Variants in ERC1 observed in about 807,000 individuals in gnomAD.
The protein encoded by ERC1 is ELKS/RAB6-interacting/CAST family member 1.
Under a neutral mutation model 132.0 loss-of-function variants are expected in ERC1, and 56 were observed. The ratio of observed to expected loss-of-function variants is 0.42; its 90% CI spans 0.34 to 0.53. The LOEUF (loss-of-function observed/expected upper bound fraction) is 0.53, where lower values mean the gene tolerates loss of function less well. ERC1 is among the 20% of genes least tolerant of loss of function. The pLI is 0.03. For missense variants in ERC1, 1,202 were observed against 1,349.9 expected, an observed-to-expected ratio of 0.89 and a Z score of 1.72; for synonymous variants, 478 against 476.1, an observed-to-expected ratio of 1.00 and a Z score of -0.05.
chr12:1,440,331 A>T (rs1204274282), intron 17 of ERC1, among the ~76,000 whole-genome samples: 15 of 146,378 alleles, frequency 1.0e-4, no homozygotes, highest in Admixed American at 6.8e-4. Flanking sequence ...CAGCCTCCCG[A>T]GTAGCTGGGA....
At chr12:1,369,500 T>TA (rs2086976179) in intron 15 of ERC1, among the ~76,000 whole-genome samples, 3 of 152,238 alleles carry the variant, frequency 2.0e-5, no homozygotes, top group African/African-American at 7.2e-5. Context: ...TGCCTGCTAC[T>TA]AAATATGTGA....
intron 16 of ERC1, among the ~76,000 whole-genome samples, chr12:1,393,754 A>G (rs1006835363): frequency 1.3e-5 from 2 of 151,948 alleles, no homozygotes; most frequent in Middle Eastern, 3.4e-3. Flanking sequence ...ATTGCCAGGC[A>G]TGGTGGCTCA....
chr12:1,402,981 G>A (rs919967750), intron 16 of ERC1, among the ~76,000 whole-genome samples: 12 of 152,086 alleles, frequency 7.9e-5, no homozygotes, highest in Admixed American at 2.0e-4. Context: ...TAATAGCTGC[G>A]TTTGGATAAC....
At chr12:1,147,634 A>G (rs1320945371) in intron 8 of ERC1, among the ~76,000 whole-genome samples, 4 of 152,202 alleles carry the variant, frequency 2.6e-5, no homozygotes, top group Non-Finnish European at 4.4e-5. Flanking sequence ...AAGCCTTTTG[A>G]TTCCATTTCC....
chr12:1,184,718 A>G (rs908846931), intron 11 of ERC1, among the ~76,000 whole-genome samples: 1 of 152,226 alleles, frequency 6.6e-6, no homozygotes, highest in Non-Finnish European at 1.5e-5. Flanking sequence ...GAAAGGATTG[A>G]AACTCAACTT....
At chr12:1,393,800 G>A (rs191920068) in intron 16 of ERC1, among the ~76,000 whole-genome samples, 1 of 151,578 alleles carries the variant, frequency 6.6e-6, no homozygotes, top group East Asian at 1.9e-4. Flanking sequence ...GGCCGGGGCG[G>A]GCAGATCACG....
chr12:1,154,330 T>TATATATATAC (rs373366048), intron 8 of ERC1, among the ~76,000 whole-genome samples: 58 of 137,568 alleles, frequency 4.2e-4, no homozygotes, highest in African/African-American at 1.4e-3. Context: ...TATATATATA[T>TATATATATAC]ACACACATAC....
intron 16 of ERC1, among the ~76,000 whole-genome samples, chr12:1,404,139 G>A (rs181285537): frequency 5.5e-4 from 84 of 152,278 alleles, no homozygotes; most frequent in African/African-American, 1.9e-3. Flanking sequence ...TTGGAGACCA[G>A]AAGTGCAAGA....
At chr12:1,242,191 G>A (rs1335259502) in intron 13 of ERC1, among the ~76,000 whole-genome samples, 2 of 151,906 alleles carry the variant, frequency 1.3e-5, no homozygotes, top group Admixed American at 6.6e-5. Flanking sequence ...CATCTTCAAC[G>A]TCATTAACTT....
At chr12:1,393,660 G>A (rs2090184513) in intron 16 of ERC1, among the ~76,000 whole-genome samples, 1 of 143,112 alleles carries the variant, frequency 7.0e-6, no homozygotes, top group African/African-American at 2.6e-5. Flanking sequence ...AAAGTGCTTG[G>A]ATTCTTGAAG....
intron 2 of ERC1, among the ~76,000 whole-genome samples, chr12:1,050,937 G>A (rs1253771431): frequency 6.6e-6 from 1 of 151,930 alleles, no homozygotes; most frequent in African/African-American, 2.4e-5. Context: ...CCCGGGAGGC[G>A]GAAGTTGCAG....
At chr12:1,242,266 G>C (rs1389018495) in intron 13 of ERC1, among the ~76,000 whole-genome samples, 2 of 152,002 alleles carry the variant, frequency 1.3e-5, no homozygotes, top group South Asian at 2.1e-4. Context: ...AACATCATTT[G>C]AGTGTCTTTA....
In ERC1 at chr12:1,342,956, A is replaced by G. The variant is rs562055418; in HGVS notation, c.2781-28877A>G. On this transcript the variant is annotated intron_variant, in intron 15 of 18. Transcript: ENST00000360905. ...ACAGTAACACTCTCAAAATTTATTAAACACACTTAATGAAATAAATACCAG... is the reference window on the plus strand; with the variant it reads ...ACAGTAACACTCTCAAAATTTATTAGACACACTTAATGAAATAAATACCAG... 2.0e-5 allele frequency among the ~76,000 whole-genome samples: 3 copies of G among 152,342 alleles called. No individual in the cohort carries two copies. In the South Asian group the frequency reaches 6.2e-4, roughly 32 times the overall value.
chr12:1,347,913 G>C (rs2084635333), intron 15 of ERC1, among the ~76,000 whole-genome samples: 1 of 152,168 alleles, frequency 6.6e-6, no homozygotes, highest in Admixed American at 6.5e-5. Context: ...AAGCCGGGAG[G>C]CAGAGGTTGC....
chr12:1,043,107 G>T (rs774954134), intron 2 of ERC1, among the ~76,000 whole-genome samples: 62 of 149,214 alleles, frequency 4.2e-4, no homozygotes, highest in Non-Finnish European at 7.5e-4. Flanking sequence ...GCAGTGGCGC[G>T]ATCTTGGCTG....
chr12:1,337,366 G>T (rs1418186299), intron 15 of ERC1, among the ~76,000 whole-genome samples: 5 of 150,890 alleles, frequency 3.3e-5, no homozygotes, highest in African/African-American at 1.2e-4. Context: ...CTGAAATTAG[G>T]ATGTAATCCT....
intron 4 of ERC1, among the ~76,000 whole-genome samples, chr12:1,107,949 G>A (rs1475594760): frequency 6.6e-6 from 1 of 152,190 alleles, no homozygotes; most frequent in East Asian, 1.9e-4. Flanking sequence ...GTTAATGATG[G>A]AAGGGCTGGG....
chr12:1,073,777 G>A (rs910715487), intron 2 of ERC1, among the ~76,000 whole-genome samples: 4 of 152,076 alleles, frequency 2.6e-5, no homozygotes, highest in African/African-American at 4.8e-5. Context: ...GACTGTCAAC[G>A]CATTAGGTTT....
chr12:1,481,352 A>G (rs1293252378), intron 18 of ERC1, among the ~76,000 whole-genome samples: 1 of 152,244 alleles, frequency 6.6e-6, no homozygotes, highest in African/African-American at 2.4e-5. Flanking sequence ...CTCTTTCCTA[A>G]GCAATCTAAA....
Sources: gnomAD v4.1 joint callset for allele counts (sites outside exome capture counted in the v4.1 genomes callset) on GRCh38, gnomAD v4.1.1 for gene constraint, MANE v1.5 for transcripts, NCBI Gene and HGNC (gene_info 2026-07-23, HGNC 2026-07-21) for gene names.